The following PCDHA5 variants were observed in gnomAD, a reference collection of about 807,000 sequenced individuals.
PCDHA5 encodes protocadherin alpha-5.
A neutral mutation model predicts 61.6 loss-of-function variants in PCDHA5; 43 were observed. The ratio of observed to expected loss-of-function variants is 0.70; its 90% CI spans 0.55 to 0.90. The LOEUF (loss-of-function observed/expected upper bound fraction) is 0.90, where lower values mean the gene tolerates loss of function less well. Ranked by LOEUF, PCDHA5 falls within the 40% of genes least tolerant of loss-of-function variation. The probability of loss-of-function intolerance (pLI) is 0.00; values close to 1 mark genes in which losing one functional copy is unlikely to be tolerated. For synonymous variants in PCDHA5, 627 were observed against 543.9 expected (o/e 1.15, Z -2.13); for missense variants, 1,298 against 1,222.7 (o/e 1.06, Z -0.92).
chr5:140,912,426 G>T (rs1349647535), intron 1 of PCDHA5, among the ~76,000 whole-genome samples: 1 of 151,784 alleles, frequency 6.6e-6, no homozygotes, highest in Non-Finnish European at 1.5e-5. Flanking sequence ...GTGTATAGCA[G>T]TGTTGCTGAT....
chr5:140,877,380 C>A, intron 1 of PCDHA5: 1 of 1,613,980 alleles, frequency 6.2e-7, no homozygotes, highest in Non-Finnish European at 8.5e-7. Context: ...CGACACGCAT[C>A]CTGGATGAGG....
At chr5:140,941,247 CT>C (rs1398354432) in intron 1 of PCDHA5, among the ~76,000 whole-genome samples, 1 of 128,506 alleles carries the variant, frequency 7.8e-6, no homozygotes, top group African/African-American at 2.9e-5. Context: ...TTCTTTCTTT[CT>C]TTCTTTCTCT....
intron 1 of PCDHA5, among the ~76,000 whole-genome samples, chr5:140,885,376 G>T (rs1242393742): frequency 6.6e-6 from 1 of 152,032 alleles, no homozygotes; most frequent in Non-Finnish European, 1.5e-5. Context: ...AGTACCTTTT[G>T]GCAGTCCCTG....
At chr5:140,833,718 T>G (rs1772594795) in intron 1 of PCDHA5, among the ~76,000 whole-genome samples, 1 of 151,380 alleles carries the variant, frequency 6.6e-6, no homozygotes, top group Non-Finnish European at 1.5e-5. Flanking sequence ...AGTGTCTGGA[T>G]AGTTGCTAAT....
chr5:140,877,135 G>C, intron 1 of PCDHA5: 1 of 1,613,790 alleles, frequency 6.2e-7, no homozygotes, highest in Non-Finnish European at 8.5e-7. Flanking sequence ...GCAGGTGTTC[G>C]TGCTGGACGA....
chr5:140,877,225 G>T, intron 1 of PCDHA5: 1 of 1,613,746 alleles, frequency 6.2e-7, no homozygotes, highest in South Asian at 1.1e-5. Context: ...ACCGCGGTCG[G>T]TGGGTGCGGG....
intron 1 of PCDHA5, chr5:140,866,712 T>C (rs2049515311): frequency 6.6e-6 from 1 of 152,156 alleles, no homozygotes; most frequent in South Asian, 2.1e-4. Context: ...CGTGCACTAG[T>C]AAGACATTAA....
rs1554128324 is a variant in PCDHA5, at chr5:140,821,920, C to A, written c.145C>A (p.Gln49Lys). Reference protein sequence around the residue: ...KHGTFVGRIAQDLGLELAELV... With the variant: ...KHGTFVGRIAKDLGLELAELV... ...CGGAACCTTCGTTGGCCGCATCGCG[C>A]AGGACCTAGGGCTGGAGCTGGCGGA... Residue 49 changes from glutamine to lysine, a missense_variant, in exon 1 of 4, where the codon CAG (glutamine) becomes AAG (lysine). Gln to Lys is a moderately conservative substitution (Grantham distance 53, BLOSUM62 1). Coordinates refer to ENST00000529859, the MANE Select transcript of PCDHA5 (RefSeq NM_018908.3). 4.3e-6 allele frequency: 7 copies of A among 1,614,120 alleles called. No individual in the cohort carries two copies. Among genetic ancestry groups the A allele is most frequent in the Non-Finnish European group, 5.9e-6 (7 of 1,180,062 alleles).
chr5:140,830,283 C>T (rs2150184279), intron 1 of PCDHA5: 10 of 1,613,762 alleles, frequency 6.2e-6, no homozygotes, highest in South Asian at 4.4e-5. Flanking sequence ...ACCGAGGGCG[C>T]GTGCACGGCG....
At position 141,009,794 on chromosome 5, in the gene PCDHA5, A is replaced by G. The variant is rs1314860754; in HGVS notation, c.2668A>G (p.Thr890Ala). 1.2e-6 allele frequency: 2 copies of G among 1,614,042 alleles called. No homozygotes were observed. Among genetic ancestry groups the G allele is most frequent in the South Asian group, 1.1e-5 (1 of 91,076 alleles). Reference protein sequence around the residue: ...PAIISIRQEPTNSQIDKSDFI... With the variant: ...PAIISIRQEPANSQIDKSDFI... ...AATCATCTCCATCCGGCAGGAGCCTACTAACAGCCAAATTGACAAAAGTGA... is the reference window on the plus strand; with the variant it reads ...AATCATCTCCATCCGGCAGGAGCCTGCTAACAGCCAAATTGACAAAAGTGA... The change falls in exon 4 of 4, where the codon ACT (threonine) becomes GCT (alanine). Residue 890 changes from threonine (T) to alanine (A), a missense_variant. Physicochemically the swap from Thr to Ala is moderately conservative, Grantham distance 58. Coordinates refer to ENST00000529859, the MANE Select transcript of PCDHA5 (RefSeq NM_018908.3).
At chr5:140,951,672 T>C (rs1242247980) in intron 1 of PCDHA5, among the ~76,000 whole-genome samples, 1 of 152,114 alleles carries the variant, frequency 6.6e-6, no homozygotes, top group Non-Finnish European at 1.5e-5. Flanking sequence ...GCCTACAAAA[T>C]TGGGGATTAC....
Position 141,011,440 on chromosome 5 carries a change from T to G in PCDHA5, c.*1503T>G, listed in dbSNP as rs2098420601. 1 of 153,808 alleles carries G rather than the reference T, an allele frequency of 6.5e-6. No individual in the cohort carries two copies. Among genetic ancestry groups the G allele is most frequent in the Admixed American group, 6.5e-5 (1 of 15,282 alleles). 9.5% of individuals were successfully genotyped at this position (153,808 alleles called of 1,614,324 possible). A position where few individuals can be genotyped will look rare whatever the true frequency, so the allele number is the denominator to read the frequency against. Reference sequence around the variant, plus strand: ...ATGTTAATGCAACTATTACCTAGAGTGAACTTTAAGCTTTATTGTTGAATG... The same window carrying G: ...ATGTTAATGCAACTATTACCTAGAGGGAACTTTAAGCTTTATTGTTGAATG... On this transcript the variant is annotated 3_prime_UTR_variant, in exon 4 of 4. Transcript: ENST00000529859.
intron 1 of PCDHA5, among the ~76,000 whole-genome samples, chr5:140,971,186 G>T (rs1052745272): frequency 1.8e-4 from 28 of 152,258 alleles, no homozygotes; most frequent in African/African-American, 6.7e-4. Context: ...TAAGCCGGAA[G>T]CTCAGAGGAA....
intron 1 of PCDHA5, chr5:140,869,336 A>G (rs781863950): frequency 6.2e-7 from 1 of 1,613,984 alleles, no homozygotes; most frequent in Admixed American, 1.7e-5. Flanking sequence ...CTGGAGGTAA[A>G]TCTGCAGAAT....
chr5:140,848,496 A>C, intron 1 of PCDHA5: 1 of 1,577,756 alleles, frequency 6.3e-7, no homozygotes, highest in South Asian at 1.1e-5. Context: ...AGTATTTGAA[A>C]TGTTATACTC....
At chr5:140,959,697 CTTTGAAAGGGA>C (rs2095506406) in intron 1 of PCDHA5, among the ~76,000 whole-genome samples, 1 of 152,008 alleles carries the variant, frequency 6.6e-6, no homozygotes, top group Non-Finnish European at 1.5e-5. Flanking sequence ...ATAAAATGAG[CTTTGAAAGGGA>C]AAATTTTTAG....
intron 3 of PCDHA5, among the ~76,000 whole-genome samples, chr5:140,999,986 G>A (rs2097887000): frequency 6.6e-6 from 1 of 151,990 alleles, no homozygotes; most frequent in African/African-American, 2.4e-5. Context: ...GCGGCCTCTG[G>A]GTAGTGGTAT....
intron 2 of PCDHA5, among the ~76,000 whole-genome samples, chr5:140,981,637 C>A (rs1229068909): frequency 6.6e-6 from 1 of 152,150 alleles, no homozygotes; most frequent in Non-Finnish European, 1.5e-5. Context: ...TGGACATTTT[C>A]TCTTAGGATC....
chr5:140,836,597 T>A (rs2150265046), intron 1 of PCDHA5: 1 of 1,613,676 alleles, frequency 6.2e-7, no homozygotes, highest in Admixed American at 1.7e-5. Flanking sequence ...TAAAGCCCAC[T>A]CTGGTGTGCT....
Sources: allele counts gnomAD v4.1 joint callset (sites outside exome capture counted in the v4.1 genomes callset), GRCh38; gene constraint gnomAD v4.1.1; transcripts MANE v1.5; gene names NCBI Gene and HGNC (gene_info 2026-07-23, HGNC 2026-07-21).